ATP7B: variants seen among roughly 807,000 people sequenced by gnomAD.
ATP7B encodes the protein copper-transporting ATPase 2.
ATP7B carries 113 observed loss-of-function variants against 118.9 expected under a neutral mutation model. The observed-to-expected ratio is 0.95, with a 90% CI of 0.82 to 1.11. The LOEUF (loss-of-function observed/expected upper bound fraction) is 1.11, where lower values mean the gene tolerates loss of function less well. Among genes scored for constraint, ATP7B ranks in the 50% most tolerant of loss-of-function variants. The pLI, the probability that ATP7B is intolerant of heterozygous loss-of-function variation, is 0.00. For synonymous variants in ATP7B, 777 were observed against 727.4 expected (o/e 1.07, Z -1.10); for missense variants, 1,867 against 1,871.4 (o/e 1.00, Z 0.04).
intron 1 of ATP7B, chr13:51,979,047 C>G (rs1196890312): frequency 6.6e-6 from 1 of 152,338 alleles, no homozygotes; most frequent in African/African-American, 2.4e-5. Flanking sequence ...GTGGGGACCT[C>G]ACAGCTGGGG....
rs767312670 is a variant in ATP7B at position 51,970,575 on chromosome 13, G to A, written c.1460C>T (p.Pro487Leu). The change falls in exon 3 of 21, where the codon CCG becomes CTG. Residue 487 changes from proline (P) to leucine (L), a missense_variant. Coordinates refer to ENST00000242839, the MANE Select transcript of ATP7B (RefSeq NM_000053.4). ...KSPQSTRAVA[P>L]QKCFLQIKGM... ...TTTGATCTGTAAGAAGCACTTCTGC[G>A]GTGCCACTGCTCTGGTTGATTGTGG... is the stretch of plus-strand genomic sequence containing the variant. 8.7e-6 allele frequency: 14 copies of A among 1,613,966 alleles called. No individual in the cohort carries two copies. The highest frequency in any genetic ancestry group is 1.6e-4 in the Middle Eastern group (1 of 6,084).
At chr13:51,994,592 T>C (rs1953101497) in intron 1 of ATP7B, among the ~76,000 whole-genome samples, 1 of 152,254 alleles carries the variant, frequency 6.6e-6, no homozygotes, top group South Asian at 2.1e-4. Context: ...CTGTCTTCAA[T>C]ATCCAAGTAC....
At chr13:51,946,518 A>G (rs749723574) in intron 12 of ATP7B, 40 bp from the exon 13 acceptor site, 17 of 1,606,076 alleles carry the variant, frequency 1.1e-5, no homozygotes, top group African/African-American at 2.7e-5. Context: ...TGAGAGTTCA[A>G]TAAGGAAGCT....
chr13:52,004,733 G>T (rs558356499), intron 1 of ATP7B, among the ~76,000 whole-genome samples: 1 of 152,210 alleles, frequency 6.6e-6, no homozygotes, highest in East Asian at 1.9e-4. Flanking sequence ...CCTAGATGGA[G>T]CCCTGAACTA....
intron 1 of ATP7B, chr13:51,979,060 T>A (rs1461796624): frequency 1.3e-5 from 2 of 152,364 alleles, no homozygotes; most frequent in African/African-American, 4.8e-5. Context: ...AGCTGGGGGC[T>A]TCTGGGTACT....
intron 1 of ATP7B, among the ~76,000 whole-genome samples, chr13:51,996,086 G>A (rs1953192083): frequency 6.6e-6 from 1 of 152,194 alleles, no homozygotes; most frequent in Non-Finnish European, 1.5e-5. Flanking sequence ...GCAGCGTGCA[G>A]AATACTTGGT....
intron 1 of ATP7B, among the ~76,000 whole-genome samples, chr13:52,003,849 G>A (rs757864961): frequency 5.3e-5 from 8 of 152,174 alleles, no homozygotes; most frequent in Admixed American, 3.9e-4. Flanking sequence ...GTGGATAGCT[G>A]GAGTTTTACA....
chr13:51,975,855 C>T lies in ATP7B; in HGVS notation c.52-687G>A, dbSNP rs189740017. Among the ~76,000 whole-genome samples, 38 of 152,152 alleles carry T rather than the reference C, an allele frequency of 2.5e-4. No homozygotes were observed. In the Middle Eastern group the frequency reaches 0.01, roughly 41 times the overall value. ...GAGCACCTGTGGCTGAGCCGAGGGG[C>T]GGGAGGGGAAAGGCTGGAAGAACAG... On this transcript the variant is annotated intron_variant, in intron 1 of 20. Transcript: ENST00000242839.
At chr13:51,998,278 A>G (rs892515241) in intron 1 of ATP7B, among the ~76,000 whole-genome samples, 6 of 152,190 alleles carry the variant, frequency 3.9e-5, no homozygotes, top group African/African-American at 1.4e-4. Context: ...ACTGATGCCT[A>G]TGGGCATGTG....
In ATP7B at chr13:51,974,473, C is replaced by T. The variant is rs554554415; in HGVS notation, c.747G>A (p.Leu249=). The change falls in exon 2 of 21, where the codon TTG becomes TTA. Residue 249 remains leucine, a synonymous_variant. Transcript: ENST00000242839. ...TGACCACATGGCTTCCTTGGTGCCCCAAGGTCTCAGAATTATTAAAATTCT... is the reference window on the plus strand; with the variant it reads ...TGACCACATGGCTTCCTTGGTGCCCTAAGGTCTCAGAATTATTAAAATTCT... ...ANQNFNNSET[L]GHQGSHVVTL... 2.5e-6 allele frequency: 4 copies of T among 1,614,072 alleles called. No homozygotes were observed. The East Asian group carries it at 8.9e-5, about 36-fold the overall frequency.
At chr13:51,945,677 C>T (rs1957599983) in intron 13 of ATP7B, among the ~76,000 whole-genome samples, 1 of 152,206 alleles carries the variant, frequency 6.6e-6, no homozygotes, top group Admixed American at 6.5e-5. Context: ...TACTTTTTCA[C>T]TGTCTGTCTT....
In ATP7B at chr13:51,933,912, C is replaced by T. The variant is rs988947912; in HGVS notation, c.*844G>A. 2.6e-5 allele frequency: 4 copies of T among 152,508 alleles called. No individual in the cohort carries two copies. The highest frequency in any genetic ancestry group is 3.9e-4 in the East Asian group (2 of 5,180). The allele number at this position is 152,508 out of a possible 1,614,324, so 9.4% of individuals were successfully genotyped here. A position where few individuals can be genotyped will look rare whatever the true frequency, so the allele number is the denominator to read the frequency against. On this transcript the variant is annotated 3_prime_UTR_variant, in exon 21 of 21. Transcript: ENST00000242839. ...CGAGAACCTACACCCCACAGGAAGC[C>T]GAGTACGGACTCTCAGGTCAGGCTC...
At chr13:51,944,324 A>T (rs1285884180) in intron 13 of ATP7B, 33 bp from the exon 14 acceptor site, 1 of 1,612,664 alleles carries the variant, frequency 6.2e-7, no homozygotes, top group Non-Finnish European at 8.5e-7. Context: ...ACTGACCACA[A>T]TACAGATGGA....
Position 51,935,012 on chromosome 13 carries a change from A to G in ATP7B, c.4142T>C (p.Leu1381Pro). 6.2e-7 allele frequency: 1 copy of G among 1,613,770 alleles called. No individual in the cohort carries two copies. Among genetic ancestry groups the G allele is most frequent in the Non-Finnish European group, 8.5e-7 (1 of 1,180,000 alleles). Residue 1381 changes from leucine to proline, a missense_variant, in exon 21 of 21, where the codon CTG becomes CCG. Coordinates refer to ENST00000242839, the MANE Select transcript of ATP7B (RefSeq NM_000053.4). ...ATGCGCCTGTGCCTCATACCTCTCC[A>G]GGTCAGGCTTCTTATAGCTGGAAAG... ...LQLKCYKKPDLERYEAQAHGH... is the reference protein window; with the variant it reads ...LQLKCYKKPDPERYEAQAHGH...
intron 1 of ATP7B, among the ~76,000 whole-genome samples, chr13:52,002,408 T>A (rs542451328): frequency 1.4e-3 from 210 of 146,586 alleles, no homozygotes; most frequent in African/African-American, 4.9e-3. Flanking sequence ...AAAAAAAAAA[T>A]GTTTTTAATT....
At position 51,987,633 on chromosome 13, in the gene ATP7B, G is replaced by A. The variant is rs183701599; in HGVS notation, c.52-12465C>T. On this transcript the variant is annotated intron_variant, in intron 1 of 20. Transcript: ENST00000242839. ...AATCCTAAGCAAAAAGAACAAAGCC[G>A]GAGGCATCACACTACCTAACTTCAA... is the stretch of plus-strand genomic sequence containing the variant. Among the ~76,000 whole-genome samples the A allele has an allele frequency of 6.6e-4, 101 of 152,244 alleles. 1 individual carries two copies. In the East Asian group the frequency reaches 0.012, roughly 18 times the overall value.
chr13:52,002,511 G>C (rs1160313142), intron 1 of ATP7B, among the ~76,000 whole-genome samples: 1 of 144,174 alleles, frequency 6.9e-6, no homozygotes, highest in Non-Finnish European at 1.5e-5. Flanking sequence ...AGGCTGCAGT[G>C]AGCCTGCCAC....
Position 51,937,768 on chromosome 13 carries a change from C to T in ATP7B, c.3700-89G>A, listed in dbSNP as rs1022462822. On this transcript the variant is annotated intron_variant, in intron 17 of 20. Coordinates refer to ENST00000242839, the MANE Select transcript of ATP7B (RefSeq NM_000053.4). ...AAGTTACCCTTGCCCCCTCTGCCCT[C>T]GGCCTCTGGGTCCAGTCAGTGATGT... 4.8e-6 allele frequency: 7 copies of T among 1,470,290 alleles called. No individual in the cohort carries two copies. The African/African-American group carries it at 5.5e-5, about 12-fold the overall frequency. The allele number at this position is 1,470,290 out of a possible 1,614,324, so 91.1% of individuals were successfully genotyped here.
At chr13:51,946,157 T>C in intron 13 of ATP7B, 127 bp downstream of exon 13, 1 of 1,289,860 alleles carries the variant, frequency 7.8e-7, no homozygotes, top group African/African-American at 1.5e-5. Context: ...CAGTTATACT[T>C]GACTTCCTAT....
Sources: gnomAD v4.1 joint callset for allele counts (sites outside exome capture counted in the v4.1 genomes callset) on GRCh38, gnomAD v4.1.1 for gene constraint, MANE v1.5 for transcripts, NCBI Gene and HGNC (gene_info 2026-07-23, HGNC 2026-07-21) for gene names.